Variants in CFAP184 observed in about 807,000 individuals in gnomAD.
CFAP184 encodes cilia and flagella associated protein 184, also known as cilia- and flagella-associated protein 184.
the CFAP184 span, chr4:7,042,887 C>T: frequency 5.1e-6 from 8 of 1,556,180 alleles, no homozygotes; most frequent in Non-Finnish European, 6.9e-6. Context: ...AGGCTTTCCC[C>T]GTCTCCGCCT....
the CFAP184 span, chr4:7,042,844 G>A: frequency 6.3e-7 from 1 of 1,577,610 alleles, no homozygotes; most frequent in Non-Finnish European, 8.6e-7. Flanking sequence ...CGGAGGGCCA[G>A]AGCTGGCCTT....
the CFAP184 span, chr4:7,041,604 G>T: frequency 6.2e-7 from 1 of 1,614,224 alleles, no homozygotes; most frequent in South Asian, 1.1e-5. Context: ...TTTCCTTCAC[G>T]TGGGTTATTA....
At chr4:7,041,918 C>T in the CFAP184 span, 1 of 1,612,822 alleles carries the variant, frequency 6.2e-7, no homozygotes, top group Non-Finnish European at 8.5e-7. Context: ...CTGCCCATGG[C>T]CTGCATCACC....
chr4:7,042,385 C>T, the CFAP184 span: 11 of 1,611,950 alleles, frequency 6.8e-6, no homozygotes, highest in Non-Finnish European at 9.3e-6. Context: ...TTCCCCATCC[C>T]TCTCCTTGCT....
chr4:7,042,973 C>T, the CFAP184 span: 35 of 1,399,984 alleles, frequency 2.5e-5, no homozygotes, highest in East Asian at 3.2e-4. Context: ...CGGACCCCGG[C>T]AGGACGCTGT....
chr4:7,042,447 C>T, the CFAP184 span: 1 of 1,611,568 alleles, frequency 6.2e-7, no homozygotes, highest in South Asian at 1.1e-5. Context: ...CCCCCTCCAC[C>T]CGCTCTGTCT....
chr4:7,041,343 G>A, the CFAP184 span: 41 of 1,614,098 alleles, frequency 2.5e-5, no homozygotes, highest in Admixed American at 3.3e-5. Context: ...TGAGGCTAGC[G>A]TGGTGGCGCT....
At chr4:7,041,486 G>C in the CFAP184 span, 1 of 1,614,060 alleles carries the variant, frequency 6.2e-7, no homozygotes, top group Non-Finnish European at 8.5e-7. Context: ...AGCCCCTCTC[G>C]GGCTTGCTTC....
the CFAP184 span, chr4:7,042,373 C>CCT: frequency 6.2e-7 from 1 of 1,611,402 alleles, no homozygotes; most frequent in Non-Finnish European, 8.5e-7. Context: ...GGCCGGGCGT[C>CCT]CTTCCCCATC....
the CFAP184 span, chr4:7,041,305 T>A: frequency 6.2e-7 from 1 of 1,608,928 alleles, no homozygotes; most frequent in East Asian, 2.2e-5. Flanking sequence ...CTCCCTGATC[T>A]TCTGCCTCAC....
At chr4:7,042,945 C>T in the CFAP184 span, 1 of 1,419,014 alleles carries the variant, frequency 7.0e-7, no homozygotes, top group Non-Finnish European at 9.2e-7. Flanking sequence ...CCATCTCCTC[C>T]CGGCTCGGCC....
At chr4:7,042,902 C>T in the CFAP184 span, 4 of 1,549,632 alleles carry the variant, frequency 2.6e-6, no homozygotes, top group Admixed American at 1.8e-5. Context: ...CCGCCTTCCC[C>T]GCCGGGGTCC....
chr4:7,041,748 C>A, the CFAP184 span: 36 of 1,613,712 alleles, frequency 2.2e-5, no homozygotes, highest in Non-Finnish European at 3.0e-5. Flanking sequence ...GGGTCAGGTC[C>A]TCCTGGGTCC....
the CFAP184 span, chr4:7,042,342 C>G: frequency 6.2e-7 from 1 of 1,607,598 alleles, no homozygotes. Flanking sequence ...CATAGAGGCG[C>G]TTCCCCTCTT....
chr4:7,041,008 T>C, the CFAP184 span: 36 of 402,266 alleles, frequency 8.9e-5, no homozygotes, highest in African/African-American at 6.2e-4. Flanking sequence ...CTTGAGACTT[T>C]TGACAGTTTT....
the CFAP184 span, chr4:7,042,525 G>A: frequency 6.2e-7 from 1 of 1,602,310 alleles, no homozygotes; most frequent in South Asian, 1.1e-5. Context: ...CCTGGAACCT[G>A]ACTTCCTTCC....
At chr4:7,042,706 G>T in the CFAP184 span, 1 of 1,512,160 alleles carries the variant, frequency 6.6e-7, no homozygotes. Context: ...CTCGCCCGCA[G>T]CCTCGGCTGC....
At chr4:7,041,771 C>G in the CFAP184 span, 1 of 1,612,918 alleles carries the variant, frequency 6.2e-7, no homozygotes, top group Middle Eastern at 1.6e-4. Flanking sequence ...ATCCTGGTTT[C>G]AAAATGCACC....
At chr4:7,042,413 G>A in the CFAP184 span, 2 of 1,612,040 alleles carry the variant, frequency 1.2e-6, no homozygotes, top group South Asian at 2.2e-5. Context: ...CCGTCTCTCT[G>A]CGTCTCCTCC....
Sources: gnomAD v4.1 joint callset for allele counts on GRCh38, gnomAD v4.1.1 for gene constraint, MANE v1.5 for transcripts, NCBI Gene and HGNC (gene_info 2026-07-23, HGNC 2026-07-21) for gene names.